ARHGAP6: variants seen among roughly 807,000 people sequenced by gnomAD.
ARHGAP6 encodes the protein Rho GTPase activating protein 6.
Under a neutral mutation model 55.7 loss-of-function variants are expected in ARHGAP6, and 16 were observed. That is an observed-to-expected ratio of 0.29 (90% confidence interval 0.19 to 0.44). ARHGAP6 has a LOEUF of 0.44. ARHGAP6 is among the 20% of genes least tolerant of loss of function. ARHGAP6 has a pLI of 1.00. For missense variants in ARHGAP6, 698 were observed against 808.9 expected, an observed-to-expected ratio of 0.86 and a Z score of 1.66; for synonymous variants, 382 against 360.9, an observed-to-expected ratio of 1.06 and a Z score of -0.66.
At chrX:11,225,419 C>A (rs1010776351) in intron 2 of ARHGAP6, among the ~76,000 whole-genome samples, 1 of 110,458 alleles carries the variant, frequency 9.1e-6, no homozygotes, top group African/African-American at 3.3e-5. Context: ...CATTTGAAAC[C>A]AAGAATTAGG....
chrX:11,503,514 C>T (rs2050701101), intron 1 of ARHGAP6, among the ~76,000 whole-genome samples: 1 of 111,800 alleles, frequency 8.9e-6, no homozygotes, highest in South Asian at 3.7e-4. Flanking sequence ...CCACAGCAGA[C>T]TAGGAATAAA....
intron 8 of ARHGAP6, among the ~76,000 whole-genome samples, chrX:11,175,891 G>A (rs777087430): frequency 1.0e-4 from 11 of 108,835 alleles, no homozygotes; most frequent in South Asian, 8.3e-4. Flanking sequence ...TATTCTGTAC[G>A]TCTTTTCTCT....
chrX:11,527,160 T>C (rs967715243), intron 1 of ARHGAP6, among the ~76,000 whole-genome samples: 1 of 110,395 alleles, frequency 9.1e-6, no homozygotes, highest in Admixed American at 9.8e-5. Flanking sequence ...ATCTTGAATC[T>C]TACCTCTCTG....
intron 1 of ARHGAP6, among the ~76,000 whole-genome samples, chrX:11,342,667 G>T (rs1180393794): frequency 8.9e-6 from 1 of 112,022 alleles, no homozygotes; most frequent in African/African-American, 3.2e-5. Context: ...CTTGAATTCT[G>T]CCACTTTGAG....
chrX:11,375,291 A>G (rs1399299496), intron 1 of ARHGAP6, among the ~76,000 whole-genome samples: 1 of 112,312 alleles, frequency 8.9e-6, no homozygotes, highest in Non-Finnish European at 1.9e-5. Context: ...ATGTCCATAC[A>G]TGAAAGTTCT....
intron 1 of ARHGAP6, among the ~76,000 whole-genome samples, chrX:11,579,169 C>T (rs1016746728): frequency 9.0e-6 from 1 of 111,025 alleles, no homozygotes; most frequent in African/African-American, 3.3e-5. Flanking sequence ...TACATGTACC[C>T]TAGAACTAAA....
chrX:11,648,335 A>G (rs940325615), intron 1 of ARHGAP6, among the ~76,000 whole-genome samples: 1 of 111,882 alleles, frequency 8.9e-6, no homozygotes, highest in African/African-American at 3.2e-5. Flanking sequence ...CATTACCAAG[A>G]TTGCCCCAGT....
intron 9 of ARHGAP6, among the ~76,000 whole-genome samples, chrX:11,165,749 A>T (rs2046008721): frequency 9.0e-6 from 1 of 110,978 alleles, no homozygotes; most frequent in Non-Finnish European, 1.9e-5. Flanking sequence ...GTTTCCCAAG[A>T]TATGGTTTCC....
At chrX:11,652,916 T>A (rs1054052256) in intron 1 of ARHGAP6, among the ~76,000 whole-genome samples, 1 of 111,902 alleles carries the variant, frequency 8.9e-6, no homozygotes, top group East Asian at 2.8e-4. Flanking sequence ...CTAAAATCAG[T>A]CTAGAAATGC....
intron 1 of ARHGAP6, among the ~76,000 whole-genome samples, chrX:11,522,848 C>T (rs1236309972): frequency 1.8e-5 from 2 of 111,707 alleles, no homozygotes; most frequent in Non-Finnish European, 3.8e-5. Context: ...CTATTCCAAT[C>T]AATAGAAAAA....
At chrX:11,503,199 T>C (rs1457372161) in intron 1 of ARHGAP6, among the ~76,000 whole-genome samples, 1 of 111,584 alleles carries the variant, frequency 9.0e-6, no homozygotes, top group Non-Finnish European at 1.9e-5. Flanking sequence ...CCCAGCCATA[T>C]GCAGATTTTA....
At chrX:11,408,068 C>T (rs1459581973) in intron 1 of ARHGAP6, among the ~76,000 whole-genome samples, 1 of 110,745 alleles carries the variant, frequency 9.0e-6, no homozygotes, top group African/African-American at 3.3e-5. Flanking sequence ...CTAAAGACAA[C>T]GTATGACTTC....
intron 9 of ARHGAP6, among the ~76,000 whole-genome samples, chrX:11,168,491 T>G (rs111851774): frequency 5.2e-4 from 58 of 112,273 alleles, no homozygotes; most frequent in African/African-American, 1.9e-3. Context: ...GCAAATACTC[T>G]AAACTGCTGG....
At chrX:11,590,785 AG>A (rs1352979954) in intron 1 of ARHGAP6, among the ~76,000 whole-genome samples, 1 of 25,967 alleles carries the variant, frequency 3.9e-5, no homozygotes, top group African/African-American at 2.3e-4. Flanking sequence ...CGAAAAGAAA[AG>A]AAAAGAAAAG....
intron 1 of ARHGAP6, among the ~76,000 whole-genome samples, chrX:11,448,700 T>C (rs747803073): frequency 8.9e-4 from 99 of 111,317 alleles, no homozygotes; most frequent in Non-Finnish European, 1.8e-3. Context: ...AAAGGCCCCA[T>C]AGATGATGCA....
chrX:11,573,392 C>G (rs1323953697), intron 1 of ARHGAP6, among the ~76,000 whole-genome samples: 2 of 110,636 alleles, frequency 1.8e-5, no homozygotes, highest in South Asian at 3.9e-4. Flanking sequence ...CCAGTTTCAG[C>G]CTTCTACATA....
chrX:11,230,245 T>C (rs955679363), intron 2 of ARHGAP6, among the ~76,000 whole-genome samples: 2 of 111,908 alleles, frequency 1.8e-5, no homozygotes, highest in African/African-American at 6.5e-5. Flanking sequence ...GTCACCAGGC[T>C]GGAGTGCAGT....
chrX:11,235,221 C>G (rs2047182779), intron 2 of ARHGAP6, among the ~76,000 whole-genome samples: 1 of 113,105 alleles, frequency 8.8e-6, no homozygotes, highest in Non-Finnish European at 1.9e-5. Context: ...TTCTGTGTAC[C>G]CACGGGACCA....
chrX:11,622,705 T>C (rs960081049), intron 1 of ARHGAP6, among the ~76,000 whole-genome samples: 2 of 111,695 alleles, frequency 1.8e-5, no homozygotes, highest in African/African-American at 6.5e-5. Flanking sequence ...AAGGTTATCA[T>C]TATGGTATCT....
Sources: gnomAD v4.1 joint callset for allele counts (sites outside exome capture counted in the v4.1 genomes callset) on GRCh38, gnomAD v4.1.1 for gene constraint, MANE v1.5 for transcripts, NCBI Gene and HGNC (gene_info 2026-07-23, HGNC 2026-07-21) for gene names.